Variants in AOAH observed in about 807,000 individuals in gnomAD.
The protein encoded by AOAH is acyloxyacyl hydrolase, also known as acyloxyacyl hydrolase (neutrophil).
AOAH carries 64 observed loss-of-function variants against 92.2 expected under a neutral mutation model. The ratio of observed to expected loss-of-function variants is 0.69; its 90% CI spans 0.57 to 0.86. AOAH has a LOEUF of 0.86. Among genes scored for constraint, AOAH ranks in the 40% least tolerant of loss-of-function variants. The pLI is 0.00. For missense variants in AOAH, 656 were observed against 694.6 expected, an observed-to-expected ratio of 0.94 and a Z score of 0.62; for synonymous variants, 263 against 254.5, an observed-to-expected ratio of 1.03 and a Z score of -0.32.
intron 1 of AOAH, among the ~76,000 whole-genome samples, chr7:36,700,741 T>G (rs1797982173): frequency 6.6e-6 from 1 of 152,056 alleles, no homozygotes; most frequent in Admixed American, 6.6e-5. Context: ...CTATTTTTAG[T>G]TTTTTGAGAA....
Position 36,548,698 on chromosome 7 carries a change from T to C in AOAH, c.1059-12A>G, listed in dbSNP as rs375266943. Reference sequence around the variant, plus strand: ...TGTTTCTAGACAAGCTGAGAAGGCATAGATGGAATCTGAATGTCAGATACT... The same window carrying C: ...TGTTTCTAGACAAGCTGAGAAGGCACAGATGGAATCTGAATGTCAGATACT... On this transcript the variant is annotated splice_polypyrimidine_tract_variant and intron_variant, in intron 14 of 20. Coordinates refer to ENST00000617537, the MANE Select transcript of AOAH (RefSeq NM_001637.4). The C allele has an allele frequency of 3.1e-6, 5 of 1,610,626 alleles. No individual in the cohort carries two copies. The highest frequency in any genetic ancestry group is 4.5e-5 in the East Asian group (2 of 44,858).
At chr7:36,545,063 T>A (rs1336308618) in intron 15 of AOAH, among the ~76,000 whole-genome samples, 5 of 151,848 alleles carry the variant, frequency 3.3e-5, no homozygotes, top group Admixed American at 6.6e-5. Flanking sequence ...TTTTTTTTTT[T>A]TAAATAGAGA....
chr7:36,559,790 T>G (rs1003855781), intron 13 of AOAH, among the ~76,000 whole-genome samples: 3 of 152,234 alleles, frequency 2.0e-5, no homozygotes, highest in Non-Finnish European at 4.4e-5. Flanking sequence ...TTTGAAGACT[T>G]AGTCATAATT....
intron 16 of AOAH, among the ~76,000 whole-genome samples, chr7:36,533,663 CCTCT>C (rs1340580862): frequency 2.1e-5 from 3 of 146,070 alleles, no homozygotes; most frequent in Non-Finnish European, 4.5e-5. Flanking sequence ...GGATTTGTTC[CCTCT>C]ATTTTGTGTG....
intron 13 of AOAH, among the ~76,000 whole-genome samples, chr7:36,574,332 G>A (rs527358272): frequency 4.6e-5 from 7 of 152,120 alleles, no homozygotes; most frequent in Admixed American, 1.3e-4. Flanking sequence ...ATTTTGACAC[G>A]ATTAGGCTCT....
At chr7:36,652,823 C>G (rs1794664424) in intron 4 of AOAH, among the ~76,000 whole-genome samples, 1 of 152,214 alleles carries the variant, frequency 6.6e-6, no homozygotes, top group African/African-American at 2.4e-5. Context: ...AAGATGAAGA[C>G]TCTGTCACAG....
intron 11 of AOAH, among the ~76,000 whole-genome samples, chr7:36,596,977 A>G (rs1790172312): frequency 6.6e-6 from 1 of 152,272 alleles, no homozygotes; most frequent in South Asian, 2.1e-4. Context: ...GATATCCTGT[A>G]TATTTTCTGT....
chr7:36,705,885 C>T (rs1798369042), intron 1 of AOAH, among the ~76,000 whole-genome samples: 1 of 152,056 alleles, frequency 6.6e-6, no homozygotes, highest in African/African-American at 2.4e-5. Context: ...CTTCAACAAG[C>T]CTGACAAGAA....
intron 16 of AOAH, among the ~76,000 whole-genome samples, chr7:36,535,364 T>A (rs1784989878): frequency 1.3e-5 from 2 of 152,196 alleles, no homozygotes; most frequent in South Asian, 4.1e-4. Context: ...AATTGAAATC[T>A]TAGGTACCGT....
At chr7:36,608,902 C>T (rs943884165) in intron 11 of AOAH, among the ~76,000 whole-genome samples, 195 of 16,632 alleles carry the variant, frequency 0.012, 2 homozygotes, top group African/African-American at 0.041. Context: ...GGAGCTGTTG[C>T]GGCGGGGAGG....
intron 12 of AOAH, among the ~76,000 whole-genome samples, chr7:36,590,017 C>T (rs12671722): frequency 0.24 from 36,209 of 151,874 alleles, 5,313 homozygotes; most frequent in African/African-American, 0.41. Flanking sequence ...GATCATAGCT[C>T]ACAGCAATCT....
chr7:36,659,389 GC>G, intron 3 of AOAH, 124 bp from the exon 4 acceptor site: 1 of 744,504 alleles, frequency 1.3e-6, no homozygotes. Flanking sequence ...TTGCAGAGTG[GC>G]CTTTGACCCC....
rs773004742 is a variant in AOAH, at chr7:36,556,501, C to T, written c.1022-7026G>A. ...GAGTTCTGTAGATGTTTATTAGGTC[C>T]ACTTGGTGCAGAGCTGAGTTCAATT... On this transcript the variant is annotated intron_variant, in intron 13 of 20. Transcript: ENST00000617537. 4.7e-3 allele frequency among the ~76,000 whole-genome samples: 720 copies of T among 151,774 alleles called. 1 individual carries two copies. The highest frequency in any genetic ancestry group is 0.013 in the African/African-American group (534 of 41,328).
chr7:36,618,507 A>T (rs1792052494), intron 9 of AOAH, among the ~76,000 whole-genome samples, 162 bp from the exon 10 acceptor site: 1 of 152,256 alleles, frequency 6.6e-6, no homozygotes, highest in Middle Eastern at 3.2e-3. Context: ...GCCCTGTGCG[A>T]GCGAGTCGGG....
At chr7:36,608,921 TC>T (rs1791214825) in intron 11 of AOAH, among the ~76,000 whole-genome samples, 2 of 86,228 alleles carry the variant, frequency 2.3e-5, no homozygotes, top group South Asian at 4.7e-4. Flanking sequence ...GGGGGGGGGG[TC>T]TGGTACAAAG....
At chr7:36,571,582 C>T (rs1402241234) in intron 13 of AOAH, among the ~76,000 whole-genome samples, 1 of 152,238 alleles carries the variant, frequency 6.6e-6, no homozygotes, top group East Asian at 1.9e-4. Flanking sequence ...TCCTGCCTCT[C>T]AGGAGTCTGT....
chr7:36,562,466 C>T (rs569794713), intron 13 of AOAH, among the ~76,000 whole-genome samples: 1 of 152,266 alleles, frequency 6.6e-6, no homozygotes, highest in Admixed American at 6.5e-5. Context: ...AGAGGTTTGA[C>T]CTTGGAATAG....
rs377582192 is a variant in AOAH at position 36,649,781 on chromosome 7, C to T, written c.390+9385G>A. On this transcript the variant is annotated intron_variant, in intron 4 of 20. Transcript: ENST00000617537. ...GCTGTCCACCACTGCTGTTTGCCGC[C>T]GTGGCAGACCTACCGCTAACTTCCA... Among the ~76,000 whole-genome samples the T allele has an allele frequency of 8.3e-4, 126 of 152,286 alleles. 1 individual carries two copies. In the South Asian group the frequency reaches 0.018, roughly 21 times the overall value.
chr7:36,555,911 T>G (rs1786669413), intron 13 of AOAH, among the ~76,000 whole-genome samples: 1 of 152,204 alleles, frequency 6.6e-6, no homozygotes, highest in Non-Finnish European at 1.5e-5. Flanking sequence ...GTCTATCAAT[T>G]TTGTTGATCC....
Sources: gnomAD v4.1 joint callset for allele counts (sites outside exome capture counted in the v4.1 genomes callset) on GRCh38, gnomAD v4.1.1 for gene constraint, MANE v1.5 for transcripts, NCBI Gene and HGNC (gene_info 2026-07-23, HGNC 2026-07-21) for gene names.